Variants in METTL8 observed in about 807,000 individuals in gnomAD.
METTL8 encodes tRNA N(3)-cytidine methyltransferase METTL8, mitochondrial.
A neutral mutation model predicts 48.7 loss-of-function variants in METTL8; 32 were observed. The observed-to-expected ratio is 0.66, with a 90% confidence interval of 0.50 to 0.88. The LOEUF is 0.88. METTL8 is among the 40% of genes least tolerant of loss of function. METTL8 has a pLI of 0.00. For synonymous variants in METTL8, 136 were observed against 157.1 expected, an observed-to-expected ratio of 0.87 and a Z score of 1.01; for missense variants, 464 against 474.4, an observed-to-expected ratio of 0.98 and a Z score of 0.20.
At chr2:171,423,471 G>C (rs1159057863) in intron 1 of METTL8, among the ~76,000 whole-genome samples, 1 of 152,182 alleles carries the variant, frequency 6.6e-6, no homozygotes, top group Non-Finnish European at 1.5e-5. Flanking sequence ...ATGTGGGAAA[G>C]TTTGGAACTT....
At chr2:171,405,314 C>T (rs1431061301) in intron 1 of METTL8, among the ~76,000 whole-genome samples, 2 of 151,840 alleles carry the variant, frequency 1.3e-5, no homozygotes, top group East Asian at 3.9e-4. Context: ...AAAAATAGGG[C>T]AGATGGAACT....
At chr2:171,434,571 C>T (rs1301944080), upstream of METTL8, 3 of 1,526,056 alleles carry the variant, frequency 2.0e-6, no homozygotes, top group African/African-American at 2.8e-5. Context: ...GCCCGGCCCG[C>T]GCCTCCATGG....
At position 171,317,556 on chromosome 2, in the gene METTL8, T is replaced by C. The variant is rs1373235706; in HGVS notation, c.*6616A>G. ...CTGGGATGCCAAGGACACAGCTAGC[T>C]GGACACTATTTGAAGTCTATGTGCT... On this transcript the variant is annotated 3_prime_UTR_variant, in exon 10 of 10. Coordinates refer to ENST00000375258, the MANE Select transcript of METTL8 (RefSeq NM_001321154.2). 2 of 152,284 alleles carry C rather than the reference T, an allele frequency of 1.3e-5. No individual in the cohort carries two copies. Among genetic ancestry groups the C allele is most frequent in the Non-Finnish European group, 2.9e-5 (2 of 68,078 alleles). 9.4% of individuals were successfully genotyped at this position (152,284 alleles called of 1,614,324 possible).
At chr2:171,412,577 G>A (rs1390475193) in intron 1 of METTL8, among the ~76,000 whole-genome samples, 1 of 150,632 alleles carries the variant, frequency 6.6e-6, no homozygotes, top group Non-Finnish European at 1.5e-5. Flanking sequence ...CATATTATTT[G>A]CCTTAAAAAA....
At chr2:171,417,190 G>A (rs1691398832) in intron 1 of METTL8, among the ~76,000 whole-genome samples, 1 of 152,190 alleles carries the variant, frequency 6.6e-6, no homozygotes, top group African/African-American at 2.4e-5. Flanking sequence ...CTAAGTCAGT[G>A]CTATATATGA....
At chr2:171,349,018 T>G (rs911552788) in intron 3 of METTL8, among the ~76,000 whole-genome samples, 6 of 152,144 alleles carry the variant, frequency 3.9e-5, no homozygotes. Context: ...TAATGTAAAA[T>G]TTAACATCTT....
intron 3 of METTL8, among the ~76,000 whole-genome samples, chr2:171,348,834 A>G (rs1010103856): frequency 6.6e-6 from 1 of 152,172 alleles, no homozygotes; most frequent in Non-Finnish European, 1.5e-5. Context: ...AAAAAGAACC[A>G]ACATGTTCTA....
At chr2:171,353,069 A>G (rs1340154929) in intron 3 of METTL8, among the ~76,000 whole-genome samples, 1 of 152,084 alleles carries the variant, frequency 6.6e-6, no homozygotes, top group Admixed American at 6.5e-5. Flanking sequence ...TTAGGGTGTC[A>G]ATTTTAGATC....
At position 171,339,365 on chromosome 2, in the gene METTL8, G is replaced by A. The variant is rs61731489; in HGVS notation, c.425C>T (p.Ser142Leu). 1.3e-3 allele frequency: 2,167 copies of A among 1,613,064 alleles called. 18 individuals carry two copies. The African/African-American group carries it at 0.021, about 16-fold the overall frequency. The change falls in exon 4 of 10, where the codon TCA becomes TTA. Residue 142 changes from serine (S) to leucine (L), a missense_variant. Transcript: ENST00000375258. ...HVKTSATNRF[S>L]RMHCPTVPDE... Reference sequence around the variant, plus strand: ...AGGCACAGTAGGACAGTGCATTCTTGAGAAACGATTTGTAGCACTAGTTTT... The same window carrying A: ...AGGCACAGTAGGACAGTGCATTCTTAAGAAACGATTTGTAGCACTAGTTTT...
chr2:171,356,045 G>A (rs1277937671), intron 3 of METTL8, among the ~76,000 whole-genome samples: 9 of 152,214 alleles, frequency 5.9e-5, no homozygotes, highest in African/African-American at 9.6e-5. Flanking sequence ...GAAATCACCC[G>A]TCTTCTGCAT....
intron 1 of METTL8, among the ~76,000 whole-genome samples, chr2:171,432,852 T>C (rs1404343071): frequency 2.6e-5 from 4 of 152,206 alleles, no homozygotes; most frequent in East Asian, 3.8e-4. Flanking sequence ...ATTTTTACCA[T>C]AGGCCAATTG....
intron 1 of METTL8, among the ~76,000 whole-genome samples, chr2:171,392,419 T>G (rs1688661613): frequency 6.6e-6 from 1 of 152,236 alleles, no homozygotes; most frequent in African/African-American, 2.4e-5. Context: ...GGCATTTTTT[T>G]GAAGCCATAG....
chr2:171,417,160 G>A (rs1247748349), intron 1 of METTL8, among the ~76,000 whole-genome samples: 1 of 152,160 alleles, frequency 6.6e-6, no homozygotes, highest in African/African-American at 2.4e-5. Context: ...AGTAGATCCT[G>A]TCAGGCTTTG....
At chr2:171,409,220 C>G (rs766587141) in intron 1 of METTL8, among the ~76,000 whole-genome samples, 2 of 152,140 alleles carry the variant, frequency 1.3e-5, no homozygotes, top group Non-Finnish European at 2.9e-5. Flanking sequence ...ACTTTGCTTA[C>G]GCCTATCAGT....
At chr2:171,395,698 AAGAC>A (rs1241744022) in intron 1 of METTL8, among the ~76,000 whole-genome samples, 6 of 152,230 alleles carry the variant, frequency 3.9e-5, no homozygotes, top group Non-Finnish European at 7.3e-5. Flanking sequence ...ATAAAGCAAA[AAGAC>A]AGAACTTTCT....
intron 5 of METTL8, among the ~76,000 whole-genome samples, chr2:171,333,636 CCT>C (rs779824558): frequency 4.1e-4 from 62 of 152,056 alleles, no homozygotes; most frequent in Non-Finnish European, 2.2e-4. Flanking sequence ...AGCATGTTCC[CCT>C]GTTTTTTTCT....
chr2:171,374,346 T>C (rs1686716370), intron 2 of METTL8, among the ~76,000 whole-genome samples: 1 of 152,226 alleles, frequency 6.6e-6, no homozygotes, highest in Admixed American at 6.5e-5. Context: ...AATGAGGTCA[T>C]ACTGGAGAAA....
chr2:171,341,594 G>A (rs1173509022), intron 3 of METTL8, among the ~76,000 whole-genome samples: 2 of 151,030 alleles, frequency 1.3e-5, no homozygotes, highest in Non-Finnish European at 2.9e-5. Flanking sequence ...GCTACAGGCA[G>A]TAACAATTTC....
chr2:171,340,015 A>C (rs1360927536), intron 3 of METTL8, among the ~76,000 whole-genome samples: 1 of 146,956 alleles, frequency 6.8e-6, no homozygotes, highest in African/African-American at 2.5e-5. Flanking sequence ...TGGCCAACAT[A>C]GTGAAACCCC....
Sources: gnomAD v4.1 joint callset for allele counts (sites outside exome capture counted in the v4.1 genomes callset) on GRCh38, gnomAD v4.1.1 for gene constraint, MANE v1.5 for transcripts, NCBI Gene and HGNC (gene_info 2026-07-23, HGNC 2026-07-21) for gene names.